The following ADCY10 variants were observed in gnomAD, a reference collection of about 807,000 sequenced individuals.
ADCY10 encodes adenylate cyclase 10.
In ADCY10, 156 loss-of-function variants were observed where a neutral mutation model predicts 183.3. That is an observed-to-expected ratio of 0.85 (90% CI 0.75 to 0.97). The LOEUF (loss-of-function observed/expected upper bound fraction) is 0.97. ADCY10 is among the 50% of genes least tolerant of loss of function. ADCY10 has a pLI of 0.00. For synonymous variants in ADCY10, 645 were observed against 670.0 expected (o/e 0.96, Z 0.58); for missense variants, 1,745 against 1,934.3 (o/e 0.90, Z 1.84).
chr1:167,875,131 C>A lies in ADCY10; in HGVS notation c.1462G>T (p.Gly488Ter). Residue 488 changes from glycine (G) to a stop codon, truncating the protein, a stop_gained and splice_region_variant, in exon 13 of 33, where the codon GGA (glycine) becomes TGA (stop). Coordinates refer to ENST00000367851, the MANE Select transcript of ADCY10 (RefSeq NM_018417.6). LOFTEE classifies it high-confidence loss of function. The part of the protein sequence containing the change: ...CNRKEDYPLL[G>*]RNKEINYFMY... ...TTTAAAATCAAGGCCTACTACCTAC[C>A]CAGCAAAGGGTAATCCTCCTTTCTG... 1 of 1,613,778 alleles carries A rather than the reference C, an allele frequency of 6.2e-7. No individual in the cohort carries two copies. Among genetic ancestry groups the A allele is most frequent in the Non-Finnish European group, 8.5e-7 (1 of 1,179,776 alleles).
At chr1:167,901,950 C>A (rs1465968078) in intron 4 of ADCY10, 66 bp downstream of exon 4, 1 of 1,608,214 alleles carries the variant, frequency 6.2e-7, no homozygotes, top group Non-Finnish European at 8.5e-7. Context: ...CCTTTGTCCC[C>A]AACACAGAAG....
At chr1:167,835,749 G>A (rs1442096912) in intron 23 of ADCY10, among the ~76,000 whole-genome samples, 1 of 152,156 alleles carries the variant, frequency 6.6e-6, no homozygotes, top group Non-Finnish European at 1.5e-5. Context: ...AATTAGCTGG[G>A]CATGGTGGCA....
chr1:167,845,514 C>T, intron 21 of ADCY10, 49 bp downstream of exon 21: 1 of 1,596,266 alleles, frequency 6.3e-7, no homozygotes, highest in South Asian at 1.1e-5. Context: ...ATCTTAGTCT[C>T]TAGATTTCCC....
chr1:167,884,822 A>C (rs777717740), intron 8 of ADCY10, among the ~76,000 whole-genome samples: 28 of 149,450 alleles, frequency 1.9e-4, no homozygotes, highest in Non-Finnish European at 2.5e-4. Context: ...CTCAGCTTCC[A>C]GAGTAGCTGG....
chr1:167,855,938 G>T (rs529949393), intron 17 of ADCY10, among the ~76,000 whole-genome samples: 2 of 152,298 alleles, frequency 1.3e-5, no homozygotes, highest in East Asian at 3.9e-4. Context: ...AGGAGGTCAA[G>T]GCTGCAGTGA....
At chr1:167,893,831 G>T in intron 8 of ADCY10, 22 bp downstream of exon 8, 2 of 1,570,344 alleles carry the variant, frequency 1.3e-6, no homozygotes, top group South Asian at 1.1e-5. Context: ...CCCAAAGCCA[G>T]TAAATTCAAT....
chr1:167,872,648 A>C (rs1223571245), intron 13 of ADCY10, among the ~76,000 whole-genome samples: 1 of 151,628 alleles, frequency 6.6e-6, no homozygotes, highest in African/African-American at 2.4e-5. Context: ...TTGTAAAAGA[A>C]GGGCATTTCC....
chr1:167,889,044 T>G (rs1261555789), intron 8 of ADCY10, among the ~76,000 whole-genome samples: 3 of 152,194 alleles, frequency 2.0e-5, no homozygotes, highest in African/African-American at 7.2e-5. Context: ...ATAATTTGAC[T>G]TCTTCCTTTC....
intron 25 of ADCY10, among the ~76,000 whole-genome samples, chr1:167,829,814 A>G (rs1419669103): frequency 6.6e-6 from 1 of 152,226 alleles, no homozygotes; most frequent in Non-Finnish European, 1.5e-5. Context: ...CAGGTTAAGT[A>G]ATTAAGGCAA....
intron 25 of ADCY10, among the ~76,000 whole-genome samples, chr1:167,832,179 A>G (rs917044516): frequency 2.6e-5 from 4 of 152,202 alleles, no homozygotes; most frequent in African/African-American, 7.2e-5. Flanking sequence ...AGCTCCCCCA[A>G]GATGGAAGAG....
intron 21 of ADCY10, 23 bp downstream of exon 21, chr1:167,845,540 A>G: frequency 1.2e-6 from 2 of 1,612,126 alleles, no homozygotes; most frequent in Non-Finnish European, 1.7e-6. Context: ...CAGTTAGGAT[A>G]ATTTTAAAAT....
intron 21 of ADCY10, among the ~76,000 whole-genome samples, chr1:167,839,212 T>A (rs1453190193): frequency 6.6e-6 from 1 of 152,234 alleles, no homozygotes; most frequent in Non-Finnish European, 1.5e-5. Flanking sequence ...CCTTTTCTCA[T>A]TAGTAATAGA....
intron 8 of ADCY10, 57 bp from the exon 9 acceptor site, chr1:167,883,685 A>G (rs1668026935): frequency 1.9e-6 from 3 of 1,545,260 alleles, no homozygotes; most frequent in Admixed American, 1.7e-5. Context: ...CCCTCCCCCA[A>G]CACCGCCCCC....
At chr1:167,818,042 T>G (rs1458180668) in intron 31 of ADCY10, 30 bp downstream of exon 31, 1 of 1,602,802 alleles carries the variant, frequency 6.2e-7, no homozygotes, top group African/African-American at 1.3e-5. Context: ...AAGGCATATT[T>G]TATACTGGAA....
intron 9 of ADCY10, 87 bp downstream of exon 9, chr1:167,883,350 T>A: frequency 6.8e-7 from 1 of 1,479,394 alleles, no homozygotes; most frequent in Non-Finnish European, 9.4e-7. Flanking sequence ...TAGGTTAAAT[T>A]TCCTGTGTCT....
chr1:167,873,176 TA>T, intron 13 of ADCY10, among the ~76,000 whole-genome samples: 1 of 152,030 alleles, frequency 6.6e-6, no homozygotes, highest in Admixed American at 6.6e-5. Flanking sequence ...TGTCAGTTAG[TA>T]AAATAAGTAT....
chr1:167,834,793 G>A (rs562141853), intron 23 of ADCY10: 4 of 155,074 alleles, frequency 2.6e-5, no homozygotes, highest in African/African-American at 9.6e-5. Context: ...GGGTACAAAT[G>A]TCACATTCTG....
intron 28 of ADCY10, among the ~76,000 whole-genome samples, chr1:167,823,662 G>A (rs1173788267): frequency 6.6e-6 from 1 of 152,166 alleles, no homozygotes; most frequent in Non-Finnish European, 1.5e-5. Context: ...GTTCAGTAAA[G>A]TCCCTTCCTG....
chr1:167,855,329 A>ACAAACAAAC, intron 17 of ADCY10, among the ~76,000 whole-genome samples: 1 of 150,990 alleles, frequency 6.6e-6, no homozygotes, highest in Non-Finnish European at 1.5e-5. Flanking sequence ...TAAAAAACAA[A>ACAAACAAAC]AAACAAACAA....
Sources: gnomAD v4.1 joint callset for allele counts (sites outside exome capture counted in the v4.1 genomes callset) on GRCh38, gnomAD v4.1.1 for gene constraint, MANE v1.5 for transcripts, NCBI Gene and HGNC (gene_info 2026-07-23, HGNC 2026-07-21) for gene names.